The following IFT80 variants were observed in gnomAD, a reference collection of about 807,000 sequenced individuals.
IFT80 encodes intraflagellar transport 80.
In IFT80, 79 loss-of-function variants were observed where a neutral mutation model predicts 107.9. The ratio of observed to expected loss-of-function variants is 0.73; its 90% CI spans 0.61 to 0.88. The LOEUF is 0.88. IFT80 is among the 40% of genes least tolerant of loss of function. The probability of loss-of-function intolerance (pLI) is 0.00; values close to 1 mark genes in which losing one functional copy is unlikely to be tolerated. For synonymous variants in IFT80, 299 were observed against 300.9 expected (o/e 0.99, Z 0.07); for missense variants, 797 against 914.2 (o/e 0.87, Z 1.65).
chr3:160,316,687 G>A (rs1435531728), intron 9 of IFT80, among the ~76,000 whole-genome samples: 1 of 151,986 alleles, frequency 6.6e-6, no homozygotes, highest in African/African-American at 2.4e-5. Context: ...GGCTAGATGG[G>A]ATTGACTCAT....
chr3:160,339,483 A>G (rs1429645111), intron 8 of IFT80, among the ~76,000 whole-genome samples: 1 of 152,178 alleles, frequency 6.6e-6, no homozygotes, highest in African/African-American at 2.4e-5. Flanking sequence ...TCTCCAAAAT[A>G]TAAGTTTATC....
At chr3:160,335,785 A>C (rs1040479963) in intron 8 of IFT80, among the ~76,000 whole-genome samples, 14 of 152,156 alleles carry the variant, frequency 9.2e-5, no homozygotes, top group African/African-American at 3.4e-4. Flanking sequence ...TTTCATCACC[A>C]TAAAAGGAAA....
intron 18 of IFT80, among the ~76,000 whole-genome samples, chr3:160,269,807 T>C (rs1047634092): frequency 2.0e-5 from 3 of 152,172 alleles, no homozygotes; most frequent in Admixed American, 6.5e-5. Flanking sequence ...GTCATCATAA[T>C]AGTCAAAAGC....
At chr3:160,283,605 C>G (rs1343692400) in intron 13 of IFT80, among the ~76,000 whole-genome samples, 2 of 152,054 alleles carry the variant, frequency 1.3e-5, no homozygotes, top group Non-Finnish European at 2.9e-5. Flanking sequence ...TGAAATATAA[C>G]TCTAGGTATT....
In IFT80 at chr3:160,257,708, T is replaced by A. The variant is rs1318372038; in HGVS notation, c.*817A>T. Reference sequence around the variant, plus strand: ...ATCATCGCTATCCATTTCCAGAATTTGTTCATCCCAAACAGAAACTATGTA... The same window carrying A: ...ATCATCGCTATCCATTTCCAGAATTAGTTCATCCCAAACAGAAACTATGTA... On this transcript the variant is annotated 3_prime_UTR_variant, in exon 20 of 20. Coordinates refer to ENST00000326448, the MANE Select transcript of IFT80 (RefSeq NM_020800.3). The A allele has an allele frequency of 6.6e-6, 1 of 152,180 alleles. No individual in the cohort carries two copies. The highest frequency in any genetic ancestry group is 1.5e-5 in the Non-Finnish European group (1 of 68,038). The allele number at this position is 152,180 out of a possible 1,614,324, so 9.4% of individuals were successfully genotyped here.
intron 3 of IFT80, among the ~76,000 whole-genome samples, chr3:160,381,286 C>A (rs541299057): frequency 1.7e-5 from 2 of 115,024 alleles, no homozygotes; most frequent in South Asian, 5.2e-4. Flanking sequence ...GACCCATATT[C>A]AATCCTAGTA....
intron 12 of IFT80, among the ~76,000 whole-genome samples, chr3:160,295,104 T>C (rs1011669466): frequency 6.6e-6 from 1 of 152,110 alleles, no homozygotes; most frequent in South Asian, 2.1e-4. Flanking sequence ...TTTGGGTCAA[T>C]AGGTAAATGA....
In IFT80 at chr3:160,279,237, T is replaced by C; in HGVS notation, c.1792A>G (p.Ser598Gly). Residue 598 changes from serine to glycine, a missense_variant, in exon 16 of 20, where the codon AGT (serine) becomes GGT (glycine). Coordinates refer to ENST00000326448, the MANE Select transcript of IFT80 (RefSeq NM_020800.3). ...CTCACAGCATCTTCCCATTTTGAAC[T>C]GCTTACATATTCATGGAGAATAGCA... is the stretch of plus-strand genomic sequence containing the variant. ...YPAILHEYVS[S>G]SKWEDAVRLC... The C allele has an allele frequency of 6.2e-7, 1 of 1,613,800 alleles. No individual in the cohort carries two copies. The highest frequency in any genetic ancestry group is 1.1e-5 in the South Asian group (1 of 91,040).
At chr3:160,391,707 A>C (rs963398573) in intron 1 of IFT80, 1 of 152,240 alleles carries the variant, frequency 6.6e-6, no homozygotes, top group Admixed American at 6.5e-5. Flanking sequence ...CATAATTGGC[A>C]AATAAAAACT....
intron 13 of IFT80, among the ~76,000 whole-genome samples, chr3:160,284,140 TG>T (rs2108237653): frequency 6.6e-6 from 1 of 152,274 alleles, no homozygotes; most frequent in Admixed American, 6.5e-5. Context: ...GGTAATTGGG[TG>T]AAGTGTGACA....
At chr3:160,304,097 T>C in intron 10 of IFT80, 108 bp from the exon 11 acceptor site, 1 of 752,590 alleles carries the variant, frequency 1.3e-6, no homozygotes, top group Non-Finnish European at 2.4e-6. Context: ...TTCATAGCAA[T>C]TATATACATA....
chr3:160,277,458 G>T lies in IFT80; in HGVS notation c.1947C>A (p.Ile649=), dbSNP rs1453927372. The T allele has an allele frequency of 6.2e-7, 1 of 1,607,030 alleles. No individual in the cohort carries two copies. Among genetic ancestry groups the T allele is most frequent in the Non-Finnish European group, 8.5e-7 (1 of 1,173,840 alleles). Residue 649 remains isoleucine (I), a synonymous_variant, in exon 18 of 20, where the codon ATC becomes ATA. Transcript: ENST00000326448. ...AIGEIDKVQY[I]NSIKNLPSKE... is the part of the protein sequence containing the mutation. ...TAGATGGAAGATTTTTTATAGAATT[G>T]ATGTACTGAACCTTATCAATCTAAA... is the stretch of plus-strand genomic sequence containing the variant.
intron 8 of IFT80, among the ~76,000 whole-genome samples, chr3:160,325,154 T>G (rs1241335227): frequency 6.6e-6 from 1 of 151,830 alleles, no homozygotes. Flanking sequence ...TGGAAGAACA[T>G]TCCATGCTCA....
At chr3:160,299,271 A>G in intron 12 of IFT80, 1 of 1,164,478 alleles carries the variant, frequency 8.6e-7, no homozygotes, top group South Asian at 1.7e-5. Context: ...CTCTCAGAGA[A>G]GGCCTAAATG....
At chr3:160,385,258 G>T (rs1292804554) in intron 1 of IFT80, among the ~76,000 whole-genome samples, 1 of 152,080 alleles carries the variant, frequency 6.6e-6, no homozygotes, top group Non-Finnish European at 1.5e-5. Context: ...AGGAAAAGAA[G>T]AATAACATTC....
At chr3:160,380,934 G>C (rs975106943) in intron 3 of IFT80, among the ~76,000 whole-genome samples, 1 of 151,872 alleles carries the variant, frequency 6.6e-6, no homozygotes, top group African/African-American at 2.4e-5. Flanking sequence ...ACTCATAAGA[G>C]TACTAAAAAA....
At chr3:160,352,028 T>C (rs185315805) in intron 8 of IFT80, among the ~76,000 whole-genome samples, 1,983 of 152,038 alleles carry the variant, frequency 0.013, 23 homozygotes, top group Non-Finnish European at 0.022. Flanking sequence ...TTTTTTTTTT[T>C]TTTTTGAGAC....
At chr3:160,331,376 T>C (rs925153427) in intron 8 of IFT80, among the ~76,000 whole-genome samples, 11 of 152,152 alleles carry the variant, frequency 7.2e-5, no homozygotes, top group African/African-American at 2.7e-4. Context: ...AATATAAAAC[T>C]TATGCATTCT....
At chr3:160,357,451 A>G in intron 7 of IFT80, 38 bp downstream of exon 7, 2 of 1,101,640 alleles carry the variant, frequency 1.8e-6, no homozygotes, top group Non-Finnish European at 2.8e-6. Flanking sequence ...TATAAATTTG[A>G]TTATTTCAGC....
Sources: allele counts gnomAD v4.1 joint callset (sites outside exome capture counted in the v4.1 genomes callset), GRCh38; gene constraint gnomAD v4.1.1; transcripts MANE v1.5; gene names NCBI Gene and HGNC (gene_info 2026-07-23, HGNC 2026-07-21).